UPRT: variants seen among roughly 807,000 people sequenced by gnomAD.
The protein encoded by UPRT is uracil phosphoribosyltransferase homolog, also known as RP11-311P8.3.
UPRT carries 5 observed loss-of-function variants against 22.6 expected under a neutral mutation model. That is an observed-to-expected ratio of 0.22 (90% CI 0.12 to 0.47). The LOEUF (loss-of-function observed/expected upper bound fraction) is 0.47. UPRT is among the 20% of genes least tolerant of loss of function. UPRT has a pLI of 0.99. For synonymous variants in UPRT, 77 were observed against 87.7 expected (o/e 0.88, Z 0.68); for missense variants, 181 against 239.9 (o/e 0.75, Z 1.62).
intron 4 of UPRT, among the ~76,000 whole-genome samples, chrX:75,180,922 A>T (rs147883422): frequency 0.021 from 2,348 of 109,592 alleles, 71 homozygotes; most frequent in African/African-American, 0.074. Flanking sequence ...CATCTTCATC[A>T]TGAAGTCTTT....
At chrX:75,232,626 C>T (rs183828561) in intron 4 of UPRT, among the ~76,000 whole-genome samples, 1 of 112,269 alleles carries the variant, frequency 8.9e-6, no homozygotes, top group Non-Finnish European at 1.9e-5. Context: ...GGGTCCCTGA[C>T]CCCTGATCCC....
At chrX:75,237,746 A>T (rs1450691777) in intron 4 of UPRT, among the ~76,000 whole-genome samples, 2 of 97,559 alleles carry the variant, frequency 2.1e-5, no homozygotes, top group African/African-American at 7.6e-5. Context: ...AGAATTGAAC[A>T]ATGAGAACAC....
At chrX:75,234,529 C>A (rs1164461666) in intron 4 of UPRT, among the ~76,000 whole-genome samples, 2 of 111,360 alleles carry the variant, frequency 1.8e-5, no homozygotes, top group Non-Finnish European at 3.8e-5. Context: ...TGACCACATA[C>A]TTGGAAGTAA....
chrX:75,178,179 T>A (rs1186793002), intron 4 of UPRT, among the ~76,000 whole-genome samples: 1 of 111,455 alleles, frequency 9.0e-6, no homozygotes, highest in Admixed American at 9.5e-5. Flanking sequence ...CTCCGAAGAG[T>A]CGGGGGTTGT....
intron 6 of UPRT, among the ~76,000 whole-genome samples, chrX:75,301,215 G>T (rs1269544216): frequency 4.5e-5 from 5 of 111,967 alleles, no homozygotes; most frequent in Admixed American, 9.5e-5. Context: ...TTGTTTTCCT[G>T]GTTTGGCCTG....
intron 1 of UPRT, among the ~76,000 whole-genome samples, chrX:75,280,914 G>A (rs1233621296): frequency 1.8e-5 from 2 of 111,381 alleles, no homozygotes; most frequent in Admixed American, 9.5e-5. Context: ...CATGGGATGT[G>A]TTTCCATTCA....
At chrX:75,237,558 A>T (rs1238059357) in intron 4 of UPRT, among the ~76,000 whole-genome samples, 4 of 110,567 alleles carry the variant, frequency 3.6e-5, no homozygotes, top group African/African-American at 1.3e-4. Context: ...CAAATGTCCA[A>T]CAATGATAGA....
At chrX:75,233,926 C>T (rs1204371818) in intron 4 of UPRT, among the ~76,000 whole-genome samples, 1 of 110,313 alleles carries the variant, frequency 9.1e-6, no homozygotes, top group Non-Finnish European at 1.9e-5. Flanking sequence ...ATCAAATTCA[C>T]ACATAACAAT....
intron 4 of UPRT, among the ~76,000 whole-genome samples, chrX:75,254,991 G>A (rs1377340956): frequency 1.8e-5 from 2 of 109,933 alleles, no homozygotes; most frequent in African/African-American, 6.6e-5. Flanking sequence ...TAGCCAGGAT[G>A]GTCTCGATCT....
At chrX:75,198,869 G>A (rs943571203) in intron 4 of UPRT, among the ~76,000 whole-genome samples, 29 of 111,459 alleles carry the variant, frequency 2.6e-4, no homozygotes, top group African/African-American at 9.1e-4. Flanking sequence ...CTGCACTTGG[G>A]AGAAGGAGAG....
chrX:75,183,815 T>A (rs768220547), intron 4 of UPRT, among the ~76,000 whole-genome samples: 116 of 112,488 alleles, frequency 1.0e-3, no homozygotes, highest in Non-Finnish European at 1.5e-3. Flanking sequence ...GCTGCATAAA[T>A]GTCTTCTTTT....
intron 1 of UPRT, among the ~76,000 whole-genome samples, chrX:75,292,288 G>A (rs772789489): frequency 2.7e-5 from 3 of 111,781 alleles, no homozygotes; most frequent in South Asian, 3.7e-4. Flanking sequence ...ACCACAGTAC[G>A]TGAAATTGAG....
intron 4 of UPRT, among the ~76,000 whole-genome samples, chrX:75,203,345 G>A (rs1002182026): frequency 1.8e-5 from 2 of 110,877 alleles, no homozygotes; most frequent in African/African-American, 6.6e-5. Context: ...TACAATAATA[G>A]TCGGAGACTT....
upstream of UPRT, among the ~76,000 whole-genome samples, chrX:75,272,336 A>ATG (rs1280336476): frequency 1.1e-5 from 1 of 94,011 alleles, no homozygotes; most frequent in African/African-American, 4.3e-5. Context: ...ATATGTATAT[A>ATG]TATATATACA....
At chrX:75,249,385 CA>C (rs759223356) in intron 4 of UPRT, among the ~76,000 whole-genome samples, 1 of 109,910 alleles carries the variant, frequency 9.1e-6, no homozygotes, top group Non-Finnish European at 1.9e-5. Context: ...AAATGGAAAA[CA>C]AAAAAAAGTC....
chrX:75,287,724 A>G (rs1347656962), intron 1 of UPRT, among the ~76,000 whole-genome samples: 2 of 111,541 alleles, frequency 1.8e-5, no homozygotes, highest in Non-Finnish European at 3.8e-5. Flanking sequence ...TCAAAAAGTT[A>G]AAAAGATCTC....
At chrX:75,215,803 G>C (rs981008932) in intron 4 of UPRT, among the ~76,000 whole-genome samples, 1 of 110,746 alleles carries the variant, frequency 9.0e-6, no homozygotes. Context: ...ATCTGCACAC[G>C]TACTTCCTGT....
chrX:75,177,318 C>T (rs961892354), intron 4 of UPRT, among the ~76,000 whole-genome samples: 20 of 111,583 alleles, frequency 1.8e-4, no homozygotes, highest in African/African-American at 6.2e-4. Context: ...GACGCAGCAG[C>T]AGAAACGCTA....
intron 4 of UPRT, among the ~76,000 whole-genome samples, chrX:75,187,262 T>A (rs1192923989): frequency 9.0e-6 from 1 of 111,223 alleles, no homozygotes; most frequent in Admixed American, 9.6e-5. Context: ...TAAAATATTT[T>A]ATTTCTCCTT....
Sources: allele counts gnomAD v4.1 joint callset (sites outside exome capture counted in the v4.1 genomes callset), GRCh38; gene constraint gnomAD v4.1.1; transcripts MANE v1.5; gene names NCBI Gene and HGNC (gene_info 2026-07-23, HGNC 2026-07-21).